COL22A1: variants seen among roughly 807,000 people sequenced by gnomAD.
COL22A1 encodes the protein collagen type XXII alpha 1 chain, also known as collagen alpha-1(XXII) chain.
In COL22A1, 221 loss-of-function variants were observed where a neutral mutation model predicts 248.9. The ratio of observed to expected loss-of-function variants is 0.89; its 90% CI spans 0.80 to 0.99. The LOEUF is 0.99. Among genes scored for constraint, COL22A1 ranks in the 50% least tolerant of loss-of-function variants. The pLI is 0.00. For synonymous variants in COL22A1, 891 were observed against 793.4 expected (o/e 1.12, Z -2.07); for missense variants, 2,240 against 2,179.0 (o/e 1.03, Z -0.56).
chr8:138,650,197 G>C (rs988813698), intron 45 of COL22A1, among the ~76,000 whole-genome samples: 10 of 152,166 alleles, frequency 6.6e-5, no homozygotes, highest in Middle Eastern at 3.2e-3. Flanking sequence ...GCCAAGCTGG[G>C]AGCTGAATTC....
Position 138,650,508 on chromosome 8 carries a change from C to G in COL22A1, c.3334-730G>C, listed in dbSNP as rs6577939. ...GGAGCACACTATGTGCCAAATAAAA[C>G]TCACCTAACTGTACTCCAGCCTGCC... On this transcript the variant is annotated intron_variant, in intron 45 of 64. Transcript: ENST00000303045. Among the ~76,000 whole-genome samples the G allele has an allele frequency of 5.4e-3, 826 of 152,054 alleles. 12 individuals carry two copies. Among genetic ancestry groups the G allele is most frequent in the African/African-American group, 0.019 (790 of 41,444 alleles).
At chr8:138,877,702 G>A in intron 3 of COL22A1, 48 bp downstream of exon 3, 1 of 1,506,674 alleles carries the variant, frequency 6.6e-7, no homozygotes, top group Middle Eastern at 2.0e-4. Flanking sequence ...GGGCTCAGCA[G>A]GGGGCGTCAC....
chr8:138,613,789 G>A, intron 56 of COL22A1, 78 bp downstream of exon 56: 1 of 1,260,494 alleles, frequency 7.9e-7, no homozygotes, highest in Non-Finnish European at 1.2e-6. Flanking sequence ...AGTGGCACCA[G>A]AGGGAACTAA....
At chr8:138,717,511 G>A (rs1282760802) in intron 27 of COL22A1, among the ~76,000 whole-genome samples, 1 of 151,998 alleles carries the variant, frequency 6.6e-6, no homozygotes, top group African/African-American at 2.4e-5. Context: ...TGTCACCCAG[G>A]CTAGTACAGT....
At chr8:138,716,716 C>T in intron 28 of COL22A1, 109 bp downstream of exon 28, 1 of 842,076 alleles carries the variant, frequency 1.2e-6, no homozygotes, top group South Asian at 1.5e-5. Flanking sequence ...AGTGAGCTCC[C>T]AAAAACCAGG....
intron 41 of COL22A1, among the ~76,000 whole-genome samples, chr8:138,675,276 C>A (rs982092560): frequency 2.0e-5 from 3 of 152,096 alleles, no homozygotes; most frequent in African/African-American, 7.2e-5. Flanking sequence ...GTAAGAGAAC[C>A]ACAGAAGAAA....
intron 12 of COL22A1, among the ~76,000 whole-genome samples, chr8:138,793,835 G>A (rs1816268401): frequency 6.6e-6 from 1 of 152,222 alleles, no homozygotes; most frequent in African/African-American, 2.4e-5. Flanking sequence ...AGGGAGGAAG[G>A]AGGCTTCCGG....
intron 16 of COL22A1, among the ~76,000 whole-genome samples, chr8:138,773,998 C>G (rs190509945): frequency 6.6e-6 from 1 of 152,192 alleles, no homozygotes; most frequent in Non-Finnish European, 1.5e-5. Flanking sequence ...CAGCAACTCA[C>G]GCTCCTGTGT....
chr8:138,788,380 G>A (rs1424983021), intron 12 of COL22A1, among the ~76,000 whole-genome samples: 2 of 152,176 alleles, frequency 1.3e-5, no homozygotes, highest in Non-Finnish European at 2.9e-5. Flanking sequence ...GGTCCCAGGT[G>A]AATTTTCATT....
intron 45 of COL22A1, among the ~76,000 whole-genome samples, chr8:138,650,343 A>G (rs1822594915): frequency 1.3e-5 from 2 of 152,148 alleles, no homozygotes; most frequent in African/African-American, 4.8e-5. Flanking sequence ...TTTTTTACCC[A>G]AGGCAAGCAC....
intron 1 of COL22A1, among the ~76,000 whole-genome samples, chr8:138,886,024 C>T (rs575892938): frequency 2.6e-5 from 4 of 152,220 alleles, no homozygotes; most frequent in African/African-American, 9.6e-5. Flanking sequence ...CCACAGACTC[C>T]CATCTCTTTT....
chr8:138,802,804 CGGAGGGCCCT>C, intron 11 of COL22A1, 58 bp downstream of exon 11: 3 of 1,228,420 alleles, frequency 2.4e-6, no homozygotes, highest in Non-Finnish European at 3.6e-6. Context: ...TTTGCATGAT[CGGAGGGCCCT>C]GGGTCCCCCA....
At chr8:138,730,397 C>A (rs1053353279) in intron 23 of COL22A1, among the ~76,000 whole-genome samples, 1 of 152,112 alleles carries the variant, frequency 6.6e-6, no homozygotes, top group African/African-American at 2.4e-5. Flanking sequence ...CCCCAGCCAA[C>A]GCCTACTACG....
At chr8:138,640,120 T>C (rs1821540739) in intron 47 of COL22A1, among the ~76,000 whole-genome samples, 1 of 152,240 alleles carries the variant, frequency 6.6e-6, no homozygotes. Flanking sequence ...CTTAGCATAT[T>C]GTCTGTAATG....
Position 138,833,040 on chromosome 8 carries a change from C to T in COL22A1, c.844G>A (p.Glu282Lys). 3 of 1,599,704 alleles carry T rather than the reference C, an allele frequency of 1.9e-6. No individual in the cohort carries two copies. The highest frequency in any genetic ancestry group is 2.6e-6 in the Non-Finnish European group (3 of 1,166,920). ...CTGGAAAGAGAAGTGGCCACTCACT[C>T]AGTACTTTGCACCACAGGGAAGGAT... ...MGSFPVVQST[E>K]DVFPQGLPDE... is the part of the protein sequence containing the mutation. The change falls in exon 5 of 65, where the codon GAG becomes AAG. Residue 282 changes from glutamate (E) to lysine (K), a missense_variant and splice_region_variant. Transcript: ENST00000303045.
rs544420219 is a variant in COL22A1 at position 138,779,571 on chromosome 8, A to G, written c.1651-9T>C. 6.2e-7 allele frequency: 1 copy of G among 1,607,952 alleles called. No homozygotes were observed. The highest frequency in any genetic ancestry group is 2.2e-5 in the East Asian group (1 of 44,832). ...AGCTCTCCTGGCTCCCCCTGAACAAACAAAACAACACAAAGTCATAGGCAG... is the reference window on the plus strand; with the variant it reads ...AGCTCTCCTGGCTCCCCCTGAACAAGCAAAACAACACAAAGTCATAGGCAG... On this transcript the variant is annotated splice_polypyrimidine_tract_variant and intron_variant, in intron 13 of 64. Transcript: ENST00000303045.
At chr8:138,768,756 T>C (rs1308108321) in intron 16 of COL22A1, among the ~76,000 whole-genome samples, 2 of 152,008 alleles carry the variant, frequency 1.3e-5, no homozygotes, top group Non-Finnish European at 2.9e-5. Context: ...GCCAACATAG[T>C]GAAACCCTGT....
At chr8:138,680,701 CT>C (rs758349743) in intron 39 of COL22A1, among the ~76,000 whole-genome samples, 1 of 152,204 alleles carries the variant, frequency 6.6e-6, no homozygotes, top group Non-Finnish European at 1.5e-5. Context: ...GCTTCCCCTG[CT>C]TCTTACCTTC....
In COL22A1 at chr8:138,792,368, C is replaced by T. The variant is rs141344755; in HGVS notation, c.1596+4451G>A. Among the ~76,000 whole-genome samples the T allele has an allele frequency of 3.7e-4, 56 of 152,338 alleles. No homozygotes were observed. The East Asian group carries it at 7.9e-3, about 22-fold the overall frequency. ...CACTGGCAGGAAATGCATAGCCTCC[C>T]GGCTCTGAGACACTGGAGATCTGCC... On this transcript the variant is annotated intron_variant, in intron 12 of 64. Transcript: ENST00000303045.
Sources: allele counts gnomAD v4.1 joint callset (sites outside exome capture counted in the v4.1 genomes callset), GRCh38; gene constraint gnomAD v4.1.1; transcripts MANE v1.5; gene names NCBI Gene and HGNC (gene_info 2026-07-23, HGNC 2026-07-21).